PTBP1: variants seen among roughly 807,000 people sequenced by gnomAD.
PTBP1 encodes the protein polypyrimidine tract-binding protein 1.
PTBP1 carries 8 observed loss-of-function variants against 59.8 expected under a neutral mutation model. The ratio of observed to expected loss-of-function variants is 0.13; its 90% CI spans 0.08 to 0.24. The LOEUF is 0.24. Among genes scored for constraint, PTBP1 ranks in the 10% least tolerant of loss-of-function variants. PTBP1 has a pLI of 1.00. For synonymous variants in PTBP1, 490 were observed against 320.7 expected, an observed-to-expected ratio of 1.53 and a Z score of -5.64; for missense variants, 686 against 767.0, an observed-to-expected ratio of 0.89 and a Z score of 1.25.
Position 810,722 on chromosome 19 carries a change from A to C in PTBP1, c.1570A>C (p.Met524Leu), listed in dbSNP as rs777733340. 3.7e-6 allele frequency: 6 copies of C among 1,610,028 alleles called. No homozygotes were observed. Among genetic ancestry groups the C allele is most frequent in the Non-Finnish European group, 5.1e-6 (6 of 1,178,866 alleles). Residue 524 changes from methionine (M) to leucine (L), a missense_variant, in exon 15 of 15, where the codon ATG (methionine) becomes CTG (leucine). By Grantham distance (15) the Met-to-Leu change is conservative (BLOSUM62 2). Coordinates refer to ENST00000356948, the MANE Select transcript of PTBP1 (RefSeq NM_002819.5). ...QKDRKMALIQ[M>L]GSVEEAVQAL... ...GGACCGCAAGATGGCACTGATCCAGATGGGCTCCGTGGAGGAGGCGGTCCA... is the reference window on the plus strand; with the variant it reads ...GGACCGCAAGATGGCACTGATCCAGCTGGGCTCCGTGGAGGAGGCGGTCCA...
chr19:802,602 G>C (rs1202441979), intron 2 of PTBP1, among the ~76,000 whole-genome samples: 1 of 152,218 alleles, frequency 6.6e-6, no homozygotes, highest in East Asian at 1.9e-4. Flanking sequence ...GTCCTGGGGG[G>C]CCTGGGCGTT....
Position 804,367 on chromosome 19 carries a change from C to T in PTBP1, c.364C>T (p.Arg122Cys), listed in dbSNP as rs1025854901. Residue 122 changes from arginine to cysteine, a missense_variant, in exon 5 of 15, where the codon CGC becomes TGC. Arg to Cys is a radical substitution (Grantham distance 180). Coordinates refer to ENST00000356948, the MANE Select transcript of PTBP1 (RefSeq NM_002819.5). Reference protein sequence around the residue: ...NYYTSVTPVLRGQPIYIQFSN... With the variant: ...NYYTSVTPVLCGQPIYIQFSN... ...CTACACCTCGGTGACCCCTGTGCTGCGCGGCCAGCCCATCTACATCCAGTT... is the reference window on the plus strand; with the variant it reads ...CTACACCTCGGTGACCCCTGTGCTGTGCGGCCAGCCCATCTACATCCAGTT... The T allele has an allele frequency of 1.9e-6, 3 of 1,612,868 alleles. No homozygotes were observed. The highest frequency in any genetic ancestry group is 1.7e-5 in the Admixed American group (1 of 59,994).
At chr19:801,569 C>T (rs925316085) in intron 2 of PTBP1, among the ~76,000 whole-genome samples, 4 of 152,244 alleles carry the variant, frequency 2.6e-5, no homozygotes, top group African/African-American at 7.2e-5. Flanking sequence ...ACATGGGAGC[C>T]GCATGGGCGC....
intron 2 of PTBP1, among the ~76,000 whole-genome samples, chr19:801,908 G>T (rs1026822655): frequency 2.0e-5 from 3 of 152,218 alleles, no homozygotes; most frequent in African/African-American, 7.2e-5. Flanking sequence ...TCGAGGGTCT[G>T]TTTTCAGTAT....
intron 10 of PTBP1, 87 bp downstream of exon 10, chr19:806,643 C>G: frequency 7.6e-7 from 1 of 1,313,824 alleles, no homozygotes; most frequent in Non-Finnish European, 1.0e-6. Context: ...CGGAGCAGCG[C>G]CGCCCCTCGC....
intron 10 of PTBP1, 39 bp from the exon 11 acceptor site, chr19:807,830 C>T (rs768489668): frequency 1.6e-5 from 25 of 1,595,350 alleles, no homozygotes; most frequent in African/African-American, 4.0e-5. Context: ...CTCTCCCTCT[C>T]CCCTGTCCCT....
intron 8 of PTBP1, 90 bp downstream of exon 8, chr19:805,277 C>T: frequency 6.8e-7 from 1 of 1,465,262 alleles, no homozygotes; most frequent in Non-Finnish European, 9.3e-7. Context: ...CCCGGCCCTG[C>T]ACCAGGGTGA....
At chr19:799,063 C>T (rs1481936771) in intron 1 of PTBP1, among the ~76,000 whole-genome samples, 1 of 152,268 alleles carries the variant, frequency 6.6e-6, no homozygotes, top group African/African-American at 2.4e-5. Context: ...GGAAAGCACA[C>T]AGCAGCCCTT....
rs1199068871 is a variant in PTBP1, at chr19:808,919, C to T, written c.1463+157C>T. ...AGTACTGCAAGGCCTGGAGCTTGAG[C>T]CGAGGGCTGCTCAAGGGAGGGGGTC... On this transcript the variant is annotated intron_variant, in intron 13 of 14. Coordinates refer to ENST00000356948, the MANE Select transcript of PTBP1 (RefSeq NM_002819.5). The surrounding 1 kb of genome is among the most constrained non-coding windows in gnomAD (Gnocchi z 4.7). Among the ~76,000 whole-genome samples the T allele has an allele frequency of 6.6e-6, 1 of 152,172 alleles. No individual in the cohort carries two copies. The highest frequency in any genetic ancestry group is 1.5e-5 in the Non-Finnish European group (1 of 68,024).
intron 2 of PTBP1, among the ~76,000 whole-genome samples, chr19:801,094 C>T (rs981416816): frequency 4.6e-5 from 7 of 151,672 alleles, no homozygotes; most frequent in South Asian, 2.1e-4. Flanking sequence ...CAGGACAGAG[C>T]AAGCTCTTGT....
rs2145042347 is a variant in PTBP1 at position 810,892 on chromosome 19, TA to T, written c.*71del. ...CCATCATTCCAGAGAAAAGCCACTT[TA>T]AAAACAGCTGAAGTGACCTTAGCAG... On this transcript the variant is annotated 3_prime_UTR_variant, in exon 15 of 15. Transcript: ENST00000356948. 2.1e-6 allele frequency: 3 copies of T among 1,423,894 alleles called. No individual in the cohort carries two copies. The East Asian group carries it at 7.5e-5, about 36-fold the overall frequency. 88.2% of individuals were successfully genotyped at this position (1,423,894 alleles called of 1,614,324 possible). A position where few individuals can be genotyped will look rare whatever the true frequency, so the allele number is the denominator to read the frequency against.
chr19:808,786 A>C lies in PTBP1; in HGVS notation c.1463+24A>C. 6.5e-7 allele frequency: 1 copy of C among 1,532,860 alleles called. No individual in the cohort carries two copies. The highest frequency in any genetic ancestry group is 8.9e-7 in the Non-Finnish European group (1 of 1,117,780). The allele number at this position is 1,532,860 out of a possible 1,614,324, so 95.0% of individuals were successfully genotyped here. A position where few individuals can be genotyped will look rare whatever the true frequency, so the allele number is the denominator to read the frequency against. On this transcript the variant is annotated intron_variant, in intron 13 of 14. Transcript: ENST00000356948. The surrounding 1 kb of genome is among the most constrained non-coding windows in gnomAD (Gnocchi z 4.7). ...CCGTGAGTGCTGGGCCGGGGGGCTC[A>C]TGGGGCCGGGGGCGGGCAAGGGCTC...
chr19:806,104 T>C, intron 9 of PTBP1: 1 of 325,800 alleles, frequency 3.1e-6, no homozygotes, highest in South Asian at 7.4e-5. Context: ...GGGCCCTGCT[T>C]GCCGAGGGCC....
Position 806,472 on chromosome 19 carries a change from AGCTGCGGCG to A in PTBP1, c.1038_1046del (p.Ala347_Ala349del). 6.3e-7 allele frequency: 1 copy of A among 1,592,808 alleles called. No homozygotes were observed. Among genetic ancestry groups the A allele is most frequent in the Non-Finnish European group, 8.5e-7 (1 of 1,170,772 alleles). ...TGGCCATCCCCTCGGCGGCGGCGGC[AGCTGCGGCG>A]GCAGGTCGGATCGCCATCCCGGGCC... On this transcript the variant is annotated inframe_deletion, in exon 10 of 15. Coordinates refer to ENST00000356948, the MANE Select transcript of PTBP1 (RefSeq NM_002819.5).
rs903318985 is a variant in PTBP1, at chr19:805,517, T to C, written c.918T>C (p.Ser306=). ...AFGAPGIISA[S]PYAGAGFPPT... ...GTGCACCTGGTATAATCTCAGCCTC[T>C]CCGTATGCAGGAGCTGGTTTCCCTC... is the stretch of plus-strand genomic sequence containing the variant. The change falls in exon 9 of 15, where the codon TCT becomes TCC. Residue 306 remains serine, a synonymous_variant. Transcript: ENST00000356948. The C allele has an allele frequency of 1.9e-6, 3 of 1,613,854 alleles. No individual in the cohort carries two copies. The highest frequency in any genetic ancestry group is 2.5e-6 in the Non-Finnish European group (3 of 1,179,728).
chr19:799,247 C>G, intron 1 of PTBP1, 166 bp from the exon 2 acceptor site: 1 of 761,872 alleles, frequency 1.3e-6, no homozygotes, highest in Non-Finnish European at 2.4e-6. Flanking sequence ...GGCTCACTTC[C>G]CTGCCCTTCT....
chr19:807,997 T>C lies in PTBP1; in HGVS notation c.1153+95T>C, dbSNP rs775489892. 8.8e-6 allele frequency: 10 copies of C among 1,134,144 alleles called. No individual in the cohort carries two copies. The East Asian group carries it at 2.1e-4, about 24-fold the overall frequency. The allele number at this position is 1,134,144 out of a possible 1,614,324, so 70.3% of individuals were successfully genotyped here. On this transcript the variant is annotated intron_variant, in intron 11 of 14. Transcript: ENST00000356948. ...ATTATGAGTTTGCGGTTTGGCACTCTGATGCTCCGTGGCATCCGCCTCGTT... is the reference window on the plus strand; with the variant it reads ...ATTATGAGTTTGCGGTTTGGCACTCCGATGCTCCGTGGCATCCGCCTCGTT...
At chr19:806,672 C>CTG (rs1209145059) in intron 10 of PTBP1, 116 bp downstream of exon 10, 2 of 1,028,106 alleles carry the variant, frequency 1.9e-6, no homozygotes, top group Non-Finnish European at 2.7e-6. Flanking sequence ...CGCCTCTGCC[C>CTG]TGGCAGCCCC....
chr19:806,712 C>A, intron 10 of PTBP1, 156 bp downstream of exon 10: 1 of 619,386 alleles, frequency 1.6e-6, no homozygotes, highest in Non-Finnish European at 2.5e-6. Flanking sequence ...CCTCCTTTTC[C>A]AAGATGGCTT....
Sources: gnomAD v4.1 joint callset for allele counts (sites outside exome capture counted in the v4.1 genomes callset) on GRCh38, gnomAD v4.1.1 for gene constraint, Gnocchi (gnomAD v3.1) non-coding constraint, MANE v1.5 for transcripts, NCBI Gene and HGNC (gene_info 2026-07-23, HGNC 2026-07-21) for gene names.